FHIT: variants seen among roughly 807,000 people sequenced by gnomAD.
FHIT encodes the protein bis(5'-adenosyl)-triphosphatase.
A neutral mutation model predicts 17.9 loss-of-function variants in FHIT; 19 were observed. That is an observed-to-expected ratio of 1.06 (90% CI 0.74 to 1.56). The LOEUF (loss-of-function observed/expected upper bound fraction) is 1.56, where lower values mean the gene tolerates loss of function less well. Ranked by LOEUF, FHIT falls within the 40% of genes most tolerant of loss-of-function variation. FHIT has a pLI of 0.00. For missense variants in FHIT, 248 were observed against 189.2 expected, an observed-to-expected ratio of 1.31 and a Z score of -1.82; for synonymous variants, 81 against 69.7, an observed-to-expected ratio of 1.16 and a Z score of -0.81.
Position 61,023,529 on chromosome 3 carries a change from G to T in FHIT, c.-111+18518C>A, listed in dbSNP as rs1477300646. Among the ~76,000 whole-genome samples the T allele has an allele frequency of 2.0e-5, 3 of 152,118 alleles. No individual in the cohort carries two copies. The East Asian group carries it at 5.8e-4, about 29-fold the overall frequency. On this transcript the variant is annotated intron_variant, in intron 3 of 9. Transcript: ENST00000492590. The stretch of plus-strand genomic sequence containing the variant: ...ATGAAACCAAAAAAGAGCTCATATA[G>T]TCAAGATAATCCTAAGCAAAAAGAA...
chr3:59,823,787 C>T (rs1403188844), intron 8 of FHIT, among the ~76,000 whole-genome samples: 3 of 152,188 alleles, frequency 2.0e-5, no homozygotes, highest in Admixed American at 6.5e-5. Context: ...AGAAACGGAA[C>T]AAGACAAGGA....
intron 7 of FHIT, among the ~76,000 whole-genome samples, chr3:59,970,460 C>T (rs892177300): frequency 2.0e-5 from 3 of 152,004 alleles, no homozygotes; most frequent in Admixed American, 6.6e-5. Context: ...AGCACCAGTT[C>T]CCCCTGGTTA....
At chr3:60,735,312 C>T (rs1553712320) in intron 4 of FHIT, among the ~76,000 whole-genome samples, 2 of 152,220 alleles carry the variant, frequency 1.3e-5, no homozygotes, top group African/African-American at 4.8e-5. Flanking sequence ...ATCATCCTCA[C>T]TTTCCTCTGG....
At chr3:61,040,818 T>G (rs2033471957) in intron 3 of FHIT, among the ~76,000 whole-genome samples, 2 of 152,188 alleles carry the variant, frequency 1.3e-5, no homozygotes, top group Admixed American at 6.5e-5. Context: ...CACTTATACC[T>G]TATTCCCCCG....
chr3:61,105,423 G>A (rs767704139), intron 2 of FHIT, among the ~76,000 whole-genome samples: 1 of 152,066 alleles, frequency 6.6e-6, no homozygotes, highest in Non-Finnish European at 1.5e-5. Flanking sequence ...AAATGGCATT[G>A]CTTTATTTTC....
chr3:60,027,148 C>CACAAAA (rs1553654525), intron 5 of FHIT, among the ~76,000 whole-genome samples: 64 of 125,840 alleles, frequency 5.1e-4, no homozygotes, highest in African/African-American at 1.7e-3. Context: ...CACACACACA[C>CACAAAA]AAAATTAGTA....
intron 3 of FHIT, among the ~76,000 whole-genome samples, chr3:60,904,379 T>C (rs1478240606): frequency 6.6e-6 from 1 of 151,504 alleles, no homozygotes; most frequent in Non-Finnish European, 1.5e-5. Flanking sequence ...CAACTATTAA[T>C]GTAAAAACAA....
chr3:60,101,761 T>G (rs1423982413), intron 5 of FHIT, among the ~76,000 whole-genome samples: 3 of 152,182 alleles, frequency 2.0e-5, no homozygotes, highest in African/African-American at 7.2e-5. Flanking sequence ...TTCCATCACA[T>G]TCCAAGGTCT....
chr3:60,620,413 T>C (rs1479844215), intron 4 of FHIT, among the ~76,000 whole-genome samples: 2 of 152,076 alleles, frequency 1.3e-5, no homozygotes, highest in African/African-American at 4.8e-5. Flanking sequence ...CTTCAGTAAG[T>C]GAATGAATAA....
intron 5 of FHIT, among the ~76,000 whole-genome samples, chr3:60,533,145 G>A (rs1261556001): frequency 6.6e-6 from 1 of 152,164 alleles, no homozygotes; most frequent in African/African-American, 2.4e-5. Context: ...ACACTCACAC[G>A]CTTGTAAACA....
Position 60,885,481 on chromosome 3 carries a change from C to A in FHIT, c.-110-63470G>T, listed in dbSNP as rs531340250. 2.6e-5 allele frequency among the ~76,000 whole-genome samples: 4 copies of A among 152,250 alleles called. No homozygotes were observed. In the South Asian group the frequency reaches 8.3e-4, roughly 32 times the overall value. ...CTTATAAGAGAGTTTTTATGACAGA[C>A]TTATGAGCAATAATAAGTATTTTAA... On this transcript the variant is annotated intron_variant, in intron 3 of 9. Coordinates refer to ENST00000492590, the MANE Select transcript of FHIT (RefSeq NM_002012.4).
At chr3:59,927,514 T>G (rs952633112) in intron 7 of FHIT, among the ~76,000 whole-genome samples, 2 of 149,244 alleles carry the variant, frequency 1.3e-5, no homozygotes, top group Admixed American at 1.3e-4. Context: ...ACGCCTGTAA[T>G]CCCAGCACTT....
intron 1 of FHIT, among the ~76,000 whole-genome samples, chr3:61,246,502 T>A (rs1225546843): frequency 1.3e-5 from 2 of 152,162 alleles, no homozygotes; most frequent in Non-Finnish European, 2.9e-5. Context: ...TTAAACAATT[T>A]CCCAAATGCC....
intron 5 of FHIT, among the ~76,000 whole-genome samples, chr3:60,371,724 C>A (rs1200935860): frequency 6.6e-6 from 1 of 151,966 alleles, no homozygotes; most frequent in East Asian, 1.9e-4. Context: ...GATAGCTGAG[C>A]ATTCATAAAT....
intron 5 of FHIT, among the ~76,000 whole-genome samples, chr3:60,032,075 G>A (rs1215993247): frequency 3.9e-5 from 6 of 152,054 alleles, no homozygotes; most frequent in Non-Finnish European, 8.8e-5. Context: ...CATTATAGCT[G>A]CTACCACTTC....
Position 60,461,173 on chromosome 3 carries a change from ACT to A in FHIT, c.103+75685_103+75686del, listed in dbSNP as rs536000096. Among the ~76,000 whole-genome samples, 29 of 152,178 alleles carry A rather than the reference ACT, an allele frequency of 1.9e-4. No individual in the cohort carries two copies. In the South Asian group the frequency reaches 5.8e-3, roughly 30 times the overall value. ...TAATCTAATTCTGTAAGTGCCAAAAACTCTGATTATTTTATCAAGTTATTAAA... is the reference window on the plus strand; with the variant it reads ...TAATCTAATTCTGTAAGTGCCAAAAACTGATTATTTTATCAAGTTATTAAA... On this transcript the variant is annotated intron_variant, in intron 5 of 9. Coordinates refer to ENST00000492590, the MANE Select transcript of FHIT (RefSeq NM_002012.4).
At position 59,775,383 on chromosome 3, in the gene FHIT, G is replaced by C. The variant is rs905733823; in HGVS notation, c.349-23062C>G. ...CAGATGCAGAAGGTCTGAAAATCTA[G>C]TTGTAAGTAATTTTCCTCTAGGTGC... On this transcript the variant is annotated intron_variant, in intron 8 of 9. Coordinates refer to ENST00000492590, the MANE Select transcript of FHIT (RefSeq NM_002012.4). Among the ~76,000 whole-genome samples, 7 of 152,304 alleles carry C rather than the reference G, an allele frequency of 4.6e-5. No homozygotes were observed. In the East Asian group the frequency reaches 1.4e-3, roughly 29 times the overall value.
At chr3:60,145,427 A>G (rs1344322690) in intron 5 of FHIT, among the ~76,000 whole-genome samples, 1 of 152,178 alleles carries the variant, frequency 6.6e-6, no homozygotes, top group African/African-American at 2.4e-5. Flanking sequence ...TAGAAATTAA[A>G]TTCAAACCCA....
chr3:60,917,304 G>A (rs1177245822), intron 3 of FHIT, among the ~76,000 whole-genome samples: 1 of 152,178 alleles, frequency 6.6e-6, no homozygotes, highest in East Asian at 1.9e-4. Flanking sequence ...AAGATTACCA[G>A]GCTCCAAACC....
Sources: allele counts gnomAD v4.1 joint callset (sites outside exome capture counted in the v4.1 genomes callset), GRCh38; gene constraint gnomAD v4.1.1; transcripts MANE v1.5; gene names NCBI Gene and HGNC (gene_info 2026-07-23, HGNC 2026-07-21).